TMEM132D: variants seen among roughly 807,000 people sequenced by gnomAD.
TMEM132D encodes transmembrane protein 132D.
TMEM132D carries 21 observed loss-of-function variants against 62.3 expected under a neutral mutation model. That is an observed-to-expected ratio of 0.34 (90% CI 0.24 to 0.49). TMEM132D has a LOEUF of 0.49. TMEM132D is among the 20% of genes least tolerant of loss of function. The pLI, the probability that TMEM132D is intolerant of heterozygous loss-of-function variation, is 0.99. For missense variants in TMEM132D, 1,346 were observed against 1,402.8 expected (o/e 0.96, Z 0.65); for synonymous variants, 621 against 575.6 (o/e 1.08, Z -1.13).
At chr12:129,397,905 G>A (rs1260977338) in intron 3 of TMEM132D, among the ~76,000 whole-genome samples, 1 of 152,078 alleles carries the variant, frequency 6.6e-6, no homozygotes, top group Non-Finnish European at 1.5e-5. Context: ...CAGAACCGAC[G>A]GCCTTTGCAA....
chr12:129,783,052 C>T lies in TMEM132D; in HGVS notation c.80-82354G>A, dbSNP rs540637131. Among the ~76,000 whole-genome samples the T allele has an allele frequency of 4.6e-5, 7 of 152,300 alleles. No homozygotes were observed. The East Asian group carries it at 1.4e-3, about 29-fold the overall frequency. ...TGGTGAAGTCTTTGCTAGTAAACGT[C>T]GCCCTAAACTTAAAAATCATAACAT... is the stretch of plus-strand genomic sequence containing the variant. On this transcript the variant is annotated intron_variant, in intron 1 of 8. Coordinates refer to ENST00000422113, the MANE Select transcript of TMEM132D (RefSeq NM_133448.3).
chr12:129,319,210 C>T (rs1868595071), intron 4 of TMEM132D, among the ~76,000 whole-genome samples: 1 of 152,308 alleles, frequency 6.6e-6, no homozygotes, highest in South Asian at 2.1e-4. Flanking sequence ...TGGCCACCCT[C>T]CCCATAGATC....
At chr12:129,877,647 AG>A in intron 1 of TMEM132D, among the ~76,000 whole-genome samples, 1 of 152,014 alleles carries the variant, frequency 6.6e-6, no homozygotes, top group East Asian at 1.9e-4. Context: ...AGAGAGAGAG[AG>A]AGAGAGCGCT....
At chr12:129,718,290 C>A (rs1868668323) in intron 1 of TMEM132D, among the ~76,000 whole-genome samples, 1 of 152,200 alleles carries the variant, frequency 6.6e-6, no homozygotes, top group African/African-American at 2.4e-5. Context: ...GCCCACCTGA[C>A]CCTGGGGATG....
At chr12:129,499,375 A>G (rs1875057321) in intron 3 of TMEM132D, among the ~76,000 whole-genome samples, 1 of 152,258 alleles carries the variant, frequency 6.6e-6, no homozygotes, top group African/African-American at 2.4e-5. Context: ...TAACAGGATC[A>G]GAAATTAGTA....
intron 3 of TMEM132D, among the ~76,000 whole-genome samples, chr12:129,401,757 G>C (rs541900378): frequency 6.6e-4 from 100 of 152,150 alleles, no homozygotes; most frequent in African/African-American, 2.3e-3. Flanking sequence ...CAGCCCTCTC[G>C]CTCCAGTCTG....
intron 4 of TMEM132D, among the ~76,000 whole-genome samples, chr12:129,213,783 G>A (rs1043752727): frequency 1.3e-5 from 2 of 152,094 alleles, no homozygotes; most frequent in African/African-American, 4.8e-5. Flanking sequence ...CTACTCATGA[G>A]GGATTCACTC....
In TMEM132D at chr12:129,642,293, T is replaced by C. The variant is rs764997919; in HGVS notation, c.968+57517A>G. On this transcript the variant is annotated intron_variant, in intron 2 of 8. Coordinates refer to ENST00000422113, the MANE Select transcript of TMEM132D (RefSeq NM_133448.3). ...TTGCTAAAAACAGTATCATCAGATA[T>C]CAAGGCCAAGGGCCCTGGCAGGCTG... 5.3e-5 allele frequency among the ~76,000 whole-genome samples: 8 copies of C among 152,336 alleles called. 1 individual carries two copies. Among genetic ancestry groups the C allele is most frequent in the Admixed American group, 1.3e-4 (2 of 15,302 alleles).
At chr12:129,385,462 A>G (rs1871084218) in intron 3 of TMEM132D, among the ~76,000 whole-genome samples, 1 of 152,252 alleles carries the variant, frequency 6.6e-6, no homozygotes, top group Non-Finnish European at 1.5e-5. Flanking sequence ...TTAGAGGAAA[A>G]GACTTTTACA....
chr12:129,120,434 G>A (rs1281826024), intron 5 of TMEM132D, among the ~76,000 whole-genome samples: 1 of 152,174 alleles, frequency 6.6e-6, no homozygotes, highest in East Asian at 1.9e-4. Flanking sequence ...GAAAGTGTAA[G>A]TCCAGTCTAA....
At chr12:129,714,479 G>A (rs1437336549) in intron 1 of TMEM132D, among the ~76,000 whole-genome samples, 1 of 152,158 alleles carries the variant, frequency 6.6e-6, no homozygotes, top group East Asian at 1.9e-4. Flanking sequence ...TGGGAAAGTG[G>A]GGAGGTGTTG....
intron 1 of TMEM132D, among the ~76,000 whole-genome samples, chr12:129,753,589 A>C (rs1870069566): frequency 1.3e-5 from 2 of 152,358 alleles, no homozygotes; most frequent in South Asian, 4.1e-4. Context: ...CCTAAAAATA[A>C]GGGTAGACTG....
chr12:129,225,996 AC>A (rs1879471041), intron 4 of TMEM132D, among the ~76,000 whole-genome samples: 1 of 152,194 alleles, frequency 6.6e-6, no homozygotes. Context: ...CAGCCAATGA[AC>A]AATAATGTGT....
rs758036140 is a variant in TMEM132D, at chr12:129,699,802, C to T, written c.968+8G>A. 1.4e-5 allele frequency: 22 copies of T among 1,612,744 alleles called. No individual in the cohort carries two copies. Among genetic ancestry groups the T allele is most frequent in the Middle Eastern group, 3.3e-4 (2 of 6,054 alleles). ...GCGGGTACAGACAGACATTGGGAAA[C>T]GACTTACCTCAACGTGAAGCGATCT... On this transcript the variant is annotated splice_region_variant and intron_variant, in intron 2 of 8. Transcript: ENST00000422113.
rs2135616600 is a variant in TMEM132D at position 129,081,958 on chromosome 12, G to A, written c.1724C>T (p.Ala575Val). The change falls in exon 7 of 9, where the codon GCC (alanine) becomes GTC (valine). Residue 575 changes from alanine (A) to valine (V), a missense_variant. Transcript: ENST00000422113. ...AAACTGCGTCAGGACCCGCACCATGGCGTGCTGGTACTGCAGGGTGCAGCC... is the reference window on the plus strand; with the variant it reads ...AAACTGCGTCAGGACCCGCACCATGACGTGCTGGTACTGCAGGGTGCAGCC... ...GRGCTLQYQH[A>V]MVRVLTQFVA... 4.3e-6 allele frequency: 7 copies of A among 1,614,068 alleles called. No homozygotes were observed. The highest frequency in any genetic ancestry group is 5.9e-6 in the Non-Finnish European group (7 of 1,180,038).
chr12:129,804,290 C>A (rs1871899981), intron 1 of TMEM132D, among the ~76,000 whole-genome samples: 2 of 99,788 alleles, frequency 2.0e-5, no homozygotes, highest in South Asian at 4.2e-4. Context: ...AAAAATCCTC[C>A]ATAAAATACT....
chr12:129,474,693 C>A (rs1337851997), intron 3 of TMEM132D, among the ~76,000 whole-genome samples: 1 of 152,172 alleles, frequency 6.6e-6, no homozygotes, highest in Non-Finnish European at 1.5e-5. Flanking sequence ...TAGGCTACAG[C>A]GTGGGTGAAC....
chr12:129,576,452 A>C (rs1208555078), intron 2 of TMEM132D, among the ~76,000 whole-genome samples: 1 of 151,858 alleles, frequency 6.6e-6, no homozygotes, highest in Non-Finnish European at 1.5e-5. Context: ...GTATGTGTAT[A>C]GGTGTGTATA....
At chr12:129,474,705 G>A (rs951942784) in intron 3 of TMEM132D, among the ~76,000 whole-genome samples, 1 of 152,168 alleles carries the variant, frequency 6.6e-6, no homozygotes, top group Admixed American at 6.5e-5. Flanking sequence ...TGGGTGAACT[G>A]GGGGAGTGCA....
Sources: allele counts gnomAD v4.1 joint callset (sites outside exome capture counted in the v4.1 genomes callset), GRCh38; gene constraint gnomAD v4.1.1; transcripts MANE v1.5; gene names NCBI Gene and HGNC (gene_info 2026-07-23, HGNC 2026-07-21).